The following SPHKAP variants were observed in gnomAD, a reference collection of about 807,000 sequenced individuals.
SPHKAP encodes the protein A-kinase anchor protein SPHKAP.
Under a neutral mutation model 137.5 loss-of-function variants are expected in SPHKAP, and 67 were observed. That is an observed-to-expected ratio of 0.49 (90% CI 0.40 to 0.60). SPHKAP has a LOEUF of 0.60. Ranked by LOEUF, SPHKAP falls within the 20% of genes least tolerant of loss-of-function variation. The pLI is 0.00. For synonymous variants in SPHKAP, 813 were observed against 785.3 expected (o/e 1.04, Z -0.59); for missense variants, 2,097 against 2,069.3 (o/e 1.01, Z -0.26).
chr2:228,043,335 C>G (rs35496848), intron 3 of SPHKAP, among the ~76,000 whole-genome samples: 58,156 of 151,786 alleles, frequency 0.38, 11,579 homozygotes, highest in South Asian at 0.51. Flanking sequence ...TTTTCGTTTC[C>G]TTTTGTTTTG....
chr2:228,047,975 G>A (rs1696125111), intron 3 of SPHKAP, among the ~76,000 whole-genome samples: 2 of 152,186 alleles, frequency 1.3e-5, no homozygotes, highest in South Asian at 4.1e-4. Context: ...GAGAAAGTTG[G>A]TAGGTGAAGA....
Position 228,016,659 on chromosome 2 carries a change from A to G in SPHKAP, c.4195T>C (p.Leu1399=). The G allele has an allele frequency of 1.2e-6, 2 of 1,613,964 alleles. No individual in the cohort carries two copies. The highest frequency in any genetic ancestry group is 1.7e-6 in the Non-Finnish European group (2 of 1,179,986). ...GAGGAAGTTTCTTTTTTAGAATCTA[A>G]AGGGCTGTGGTTTGTAAGAGAAGCA... is the stretch of plus-strand genomic sequence containing the variant. ...KTASLTNHSP[L]DSKKETSSCQ... The change falls in exon 7 of 12, where the codon TTA becomes CTA. Residue 1399 remains leucine (L), a synonymous_variant. Transcript: ENST00000392056.
intron 3 of SPHKAP, among the ~76,000 whole-genome samples, chr2:228,037,994 G>C (rs1305705764): frequency 1.3e-5 from 2 of 152,208 alleles, no homozygotes; most frequent in Non-Finnish European, 2.9e-5. Context: ...TACAGGACCA[G>C]CCTCTGTCTA....
chr2:228,010,081 G>T (rs547842026), intron 7 of SPHKAP, among the ~76,000 whole-genome samples: 15 of 152,194 alleles, frequency 9.9e-5, no homozygotes, highest in Non-Finnish European at 1.5e-4. Flanking sequence ...CTCTGCTCAG[G>T]ATTTCCCTCT....
Position 228,083,436 on chromosome 2 carries a change from G to A in SPHKAP, c.246+25396C>T, listed in dbSNP as rs556973627. Among the ~76,000 whole-genome samples, 22 of 152,224 alleles carry A rather than the reference G, an allele frequency of 1.4e-4. No homozygotes were observed. The South Asian group carries it at 4.6e-3, about 32-fold the overall frequency. On this transcript the variant is annotated intron_variant, in intron 3 of 11. Transcript: ENST00000392056. ...TTTGATTTGCATTTCTCTGATGACC[G>A]GTGTTGATAAGCTTTTTTTCTATGT...
intron 3 of SPHKAP, among the ~76,000 whole-genome samples, chr2:228,036,892 AG>A (rs1172277101): frequency 6.9e-6 from 1 of 145,528 alleles, no homozygotes; most frequent in East Asian, 2.3e-4. Context: ...GTGGGGTGGG[AG>A]GAGGGGGGAG....
intron 1 of SPHKAP, among the ~76,000 whole-genome samples, chr2:228,154,143 C>T (rs1040359109): frequency 5.3e-5 from 8 of 152,038 alleles, no homozygotes; most frequent in East Asian, 1.9e-4. Flanking sequence ...TAAATTCACT[C>T]AACCAAAAGT....
At chr2:228,074,579 A>C (rs1697113593) in intron 3 of SPHKAP, among the ~76,000 whole-genome samples, 2 of 151,792 alleles carry the variant, frequency 1.3e-5, no homozygotes, top group Non-Finnish European at 2.9e-5. Context: ...GATTCAATTA[A>C]CTCCACCTGG....
chr2:228,034,108 A>T (rs1490774140), intron 3 of SPHKAP, among the ~76,000 whole-genome samples: 1 of 152,172 alleles, frequency 6.6e-6, no homozygotes, highest in African/African-American at 2.4e-5. Context: ...TTTTGAAAAG[A>T]TCAACAAAAT....
chr2:228,031,744 A>G (rs947207365), intron 3 of SPHKAP, among the ~76,000 whole-genome samples: 1 of 152,210 alleles, frequency 6.6e-6, no homozygotes, highest in African/African-American at 2.4e-5. Flanking sequence ...GCTGTTCTGT[A>G]GCCACCGCTG....
At chr2:227,999,402 A>C (rs1040700115) in intron 7 of SPHKAP, among the ~76,000 whole-genome samples, 2 of 152,242 alleles carry the variant, frequency 1.3e-5, no homozygotes, top group African/African-American at 2.4e-5. Context: ...CATTGATGAC[A>C]AATGGAAATA....
chr2:227,994,251 C>A (rs765971442), intron 8 of SPHKAP: 1 of 160,390 alleles, frequency 6.2e-6, no homozygotes, highest in Non-Finnish European at 1.2e-5. Context: ...ACACCTGGTA[C>A]CTTTTTTACT....
chr2:228,067,051 TA>T (rs921807397), intron 3 of SPHKAP, among the ~76,000 whole-genome samples: 1 of 152,218 alleles, frequency 6.6e-6, no homozygotes, highest in African/African-American at 2.4e-5. Flanking sequence ...CCGACGTGAC[TA>T]AAAAAGTGCA....
At chr2:228,080,078 T>A (rs1401830628) in intron 3 of SPHKAP, among the ~76,000 whole-genome samples, 2 of 152,122 alleles carry the variant, frequency 1.3e-5, no homozygotes, top group South Asian at 2.1e-4. Flanking sequence ...GTTTTTTTTT[T>A]TATATGAACC....
chr2:228,035,759 C>T (rs889975481), intron 3 of SPHKAP, among the ~76,000 whole-genome samples: 17 of 152,120 alleles, frequency 1.1e-4, no homozygotes, highest in African/African-American at 7.2e-5. Context: ...TTTGACAAAC[C>T]TGACAAAAAC....
intron 3 of SPHKAP, among the ~76,000 whole-genome samples, chr2:228,073,621 T>C (rs921465087): frequency 6.6e-6 from 1 of 152,222 alleles, no homozygotes; most frequent in African/African-American, 2.4e-5. Context: ...CTGAATGTAT[T>C]GCTCAGATTT....
At chr2:228,005,765 C>T (rs530936160) in intron 7 of SPHKAP, among the ~76,000 whole-genome samples, 5 of 152,268 alleles carry the variant, frequency 3.3e-5, no homozygotes, top group South Asian at 2.1e-4. Context: ...AATCTCTCAG[C>T]ATTTGCTTGT....
chr2:228,031,762 C>T (rs1559357856), intron 3 of SPHKAP, among the ~76,000 whole-genome samples: 1 of 152,192 alleles, frequency 6.6e-6, no homozygotes, highest in Non-Finnish European at 1.5e-5. Flanking sequence ...CTGCTGATAC[C>T]AAGACAAACA....
chr2:228,139,802 CCTG>C (rs963758063), intron 1 of SPHKAP, among the ~76,000 whole-genome samples: 17 of 151,924 alleles, frequency 1.1e-4, no homozygotes, highest in African/African-American at 3.9e-4. Flanking sequence ...AGTACACATT[CCTG>C]CTGCTAAGTT....
Sources: allele counts gnomAD v4.1 joint callset (sites outside exome capture counted in the v4.1 genomes callset), GRCh38; gene constraint gnomAD v4.1.1; transcripts MANE v1.5; gene names NCBI Gene and HGNC (gene_info 2026-07-23, HGNC 2026-07-21).